The following IMMP2L variants were observed in gnomAD, a reference collection of about 807,000 sequenced individuals.
IMMP2L encodes inner mitochondrial membrane peptidase subunit 2.
Under a neutral mutation model 19.3 loss-of-function variants are expected in IMMP2L, and 18 were observed. The observed-to-expected ratio is 0.93, with a 90% CI of 0.64 to 1.38. The LOEUF is 1.38. Among genes scored for constraint, IMMP2L ranks in the 40% most tolerant of loss-of-function variants. IMMP2L has a pLI of 0.00. For missense variants in IMMP2L, 233 were observed against 218.2 expected (o/e 1.07, Z -0.43); for synonymous variants, 76 against 73.0 (o/e 1.04, Z -0.21).
intron 3 of IMMP2L, among the ~76,000 whole-genome samples, chr7:111,385,631 T>A (rs1026544421): frequency 7.2e-5 from 11 of 152,096 alleles, no homozygotes; most frequent in Admixed American, 6.6e-5. Flanking sequence ...TCCTGAGTGG[T>A]TCATTGTGGT....
intron 3 of IMMP2L, among the ~76,000 whole-genome samples, chr7:111,471,088 T>C (rs990044821): frequency 3.9e-5 from 6 of 151,952 alleles, no homozygotes; most frequent in African/African-American, 9.7e-5. Flanking sequence ...ATGAGAAGAT[T>C]TGAGAATTTT....
At chr7:110,742,448 A>G in intron 5 of IMMP2L, among the ~76,000 whole-genome samples, 1 of 152,170 alleles carries the variant, frequency 6.6e-6, no homozygotes, top group Non-Finnish European at 1.5e-5. Context: ...CAGCCATGCA[A>G]TGAAACACTA....
rs1164312671 is a variant in IMMP2L at position 110,787,312 on chromosome 7, C to A, written c.408+99281G>T. ...GTATGGACAGGTATTTTATAAAGAA[C>A]CTTACAAAGCTTTTCTTGAAGCTTT... On this transcript the variant is annotated intron_variant, in intron 5 of 5. Coordinates refer to ENST00000405709, the MANE Select transcript of IMMP2L (RefSeq NM_032549.4). Among the ~76,000 whole-genome samples, 5 of 151,978 alleles carry A rather than the reference C, an allele frequency of 3.3e-5. No homozygotes were observed. In the East Asian group the frequency reaches 9.7e-4, roughly 30 times the overall value.
chr7:111,354,481 G>A (rs1362714428), intron 3 of IMMP2L, among the ~76,000 whole-genome samples: 7 of 151,490 alleles, frequency 4.6e-5, no homozygotes, highest in Non-Finnish European at 1.5e-5. Context: ...GAGCCTAAGG[G>A]AAATATTACA....
At chr7:111,480,209 G>A (rs1304627020) in intron 3 of IMMP2L, among the ~76,000 whole-genome samples, 4 of 150,970 alleles carry the variant, frequency 2.6e-5, no homozygotes, top group South Asian at 2.1e-4. Context: ...TCAGCCTCCC[G>A]AGTAGCTGGG....
intron 5 of IMMP2L, among the ~76,000 whole-genome samples, chr7:110,784,942 T>C (rs549472605): frequency 1.3e-5 from 2 of 152,108 alleles, no homozygotes; most frequent in South Asian, 2.1e-4. Flanking sequence ...CCATGTTAAA[T>C]GACGTCATTT....
At chr7:110,908,409 ACT>A (rs1267906008) in intron 4 of IMMP2L, among the ~76,000 whole-genome samples, 3 of 152,120 alleles carry the variant, frequency 2.0e-5, no homozygotes, top group Non-Finnish European at 4.4e-5. Context: ...TACTGAGAAA[ACT>A]CTGTATAACA....
At chr7:111,211,567 A>C (rs532060462) in intron 3 of IMMP2L, among the ~76,000 whole-genome samples, 9 of 152,332 alleles carry the variant, frequency 5.9e-5, no homozygotes, top group Non-Finnish European at 1.3e-4. Context: ...TGTGATCGGA[A>C]ACTTGACAGA....
chr7:110,921,481 T>A (rs1585275181), intron 4 of IMMP2L, among the ~76,000 whole-genome samples: 1 of 152,302 alleles, frequency 6.6e-6, no homozygotes, highest in African/African-American at 2.4e-5. Context: ...ACCTCATTAT[T>A]CCTCTGCATT....
chr7:111,406,255 T>C (rs1260603523), intron 3 of IMMP2L, among the ~76,000 whole-genome samples: 1 of 152,084 alleles, frequency 6.6e-6, no homozygotes, highest in Non-Finnish European at 1.5e-5. Context: ...TTGATTCCTC[T>C]ATTTCTCTCA....
intron 3 of IMMP2L, among the ~76,000 whole-genome samples, chr7:111,412,471 G>A (rs371082215): frequency 1.3e-5 from 2 of 151,636 alleles, no homozygotes; most frequent in African/African-American, 2.4e-5. Flanking sequence ...GAGTTAAAAC[G>A]GAAATCAATT....
At chr7:110,894,223 T>C (rs2129546436) in intron 4 of IMMP2L, among the ~76,000 whole-genome samples, 1 of 152,296 alleles carries the variant, frequency 6.6e-6, no homozygotes, top group African/African-American at 2.4e-5. Flanking sequence ...GAGCCTATAA[T>C]ACCTCCCCTC....
rs148596309 is a variant in IMMP2L, at chr7:111,243,381, G to A, written c.239+243857C>T. On this transcript the variant is annotated intron_variant, in intron 3 of 5. Coordinates refer to ENST00000405709, the MANE Select transcript of IMMP2L (RefSeq NM_032549.4). Reference sequence around the variant, plus strand: ...AGTACTAGTAAATTCCCAAGCTGTTGAAATTTTATATTCTTGCATGGACTA... The same window carrying A: ...AGTACTAGTAAATTCCCAAGCTGTTAAAATTTTATATTCTTGCATGGACTA... Among the ~76,000 whole-genome samples, 545 of 152,128 alleles carry A rather than the reference G, an allele frequency of 3.6e-3. 2 individuals are homozygous for A. Among genetic ancestry groups the A allele is most frequent in the African/African-American group, 0.012 (515 of 41,498 alleles).
chr7:110,698,907 T>A (rs1794066759), intron 5 of IMMP2L, among the ~76,000 whole-genome samples: 1 of 152,218 alleles, frequency 6.6e-6, no homozygotes, highest in African/African-American at 2.4e-5. Flanking sequence ...TTAAGAAATA[T>A]TTTGAATTCT....
intron 4 of IMMP2L, among the ~76,000 whole-genome samples, chr7:110,944,555 G>A (rs1425585565): frequency 1.3e-5 from 2 of 151,906 alleles, no homozygotes; most frequent in African/African-American, 2.4e-5. Flanking sequence ...GGATTAAAGA[G>A]TATACACTGA....
In IMMP2L at chr7:111,521,468, C is replaced by T; in HGVS notation, c.-2-19G>A. 1 of 1,578,648 alleles carries T rather than the reference C, an allele frequency of 6.3e-7. No homozygotes were observed. On this transcript the variant is annotated intron_variant, in intron 1 of 5. Transcript: ENST00000405709. The stretch of plus-strand genomic sequence containing the variant: ...GCCATACCTAAAAATACAAAGAAAA[C>T]AACTATGAAATTAGTCTCAAGAAAG...
chr7:111,227,218 C>T (rs541775287), intron 3 of IMMP2L, among the ~76,000 whole-genome samples: 8 of 152,202 alleles, frequency 5.3e-5, no homozygotes, highest in Admixed American at 2.0e-4. Flanking sequence ...CCATACAGTG[C>T]TCCATTTACA....
intron 3 of IMMP2L, among the ~76,000 whole-genome samples, chr7:111,043,045 C>T (rs1038449120): frequency 6.6e-6 from 1 of 152,182 alleles, no homozygotes; most frequent in Non-Finnish European, 1.5e-5. Context: ...ACTGCTGACT[C>T]AACATGCCTC....
chr7:110,991,944 A>G (rs1822509420), intron 3 of IMMP2L, among the ~76,000 whole-genome samples: 1 of 152,018 alleles, frequency 6.6e-6, no homozygotes, highest in Non-Finnish European at 1.5e-5. Context: ...GGAAAAGGCT[A>G]CTCAATTTTG....
Sources: allele counts gnomAD v4.1 joint callset (sites outside exome capture counted in the v4.1 genomes callset), GRCh38; gene constraint gnomAD v4.1.1; transcripts MANE v1.5; gene names NCBI Gene and HGNC (gene_info 2026-07-23, HGNC 2026-07-21).